FRMD4B: variants seen among roughly 807,000 people sequenced by gnomAD.
The protein encoded by FRMD4B is FERM domain-containing protein 4B.
Under a neutral mutation model 141.5 loss-of-function variants are expected in FRMD4B, and 74 were observed. That is an observed-to-expected ratio of 0.52 (90% confidence interval 0.43 to 0.63). The LOEUF is 0.63. Among genes scored for constraint, FRMD4B ranks in the 30% least tolerant of loss-of-function variants. The probability of loss-of-function intolerance (pLI) is 0.00; values close to 1 mark genes in which losing one functional copy is unlikely to be tolerated. For synonymous variants in FRMD4B, 506 were observed against 467.9 expected (o/e 1.08, Z -1.05); for missense variants, 1,366 against 1,253.4 (o/e 1.09, Z -1.36).
intron 1 of FRMD4B, among the ~76,000 whole-genome samples, chr3:69,332,731 C>A (rs531114106): frequency 6.7e-6 from 1 of 149,928 alleles, no homozygotes; most frequent in African/African-American, 2.5e-5. Context: ...TGTGCACCAC[C>A]ACACCTGGCT....
intron 1 of FRMD4B, among the ~76,000 whole-genome samples, chr3:69,527,938 G>C (rs1448953840): frequency 6.6e-6 from 1 of 152,176 alleles, no homozygotes; most frequent in Non-Finnish European, 1.5e-5. Context: ...AATCCATGGG[G>C]ATCTCCTATT....
chr3:69,470,052 A>G (rs955909743), intron 1 of FRMD4B, among the ~76,000 whole-genome samples: 3 of 152,220 alleles, frequency 2.0e-5, no homozygotes, highest in Non-Finnish European at 4.4e-5. Context: ...AAAACACATT[A>G]GAGACTCCAA....
intron 7 of FRMD4B, among the ~76,000 whole-genome samples, chr3:69,241,621 T>C (rs373460090): frequency 1.3e-5 from 2 of 152,124 alleles, no homozygotes; most frequent in Admixed American, 1.3e-4. Context: ...ACTGGTTGGG[T>C]GCAGTCGCTC....
rs1426568926 is a variant in FRMD4B at position 69,195,052 on chromosome 3, T to C, written c.1458A>G (p.Lys486=). ...QVRRRVGTAF[K]LDDNLLPSEE... is the part of the protein sequence containing the mutation. ...CACTCGGCAGCAAGTTGTCATCTAA[T>C]TTGAACGCAGTACCCACACGTCTTC... is the stretch of plus-strand genomic sequence containing the variant. Residue 486 remains lysine (K), a synonymous_variant, in exon 16 of 23, where the codon AAA becomes AAG. Transcript: ENST00000398540. The C allele has an allele frequency of 9.3e-6, 15 of 1,613,780 alleles. No individual in the cohort carries two copies. The highest frequency in any genetic ancestry group is 4.0e-5 in the African/African-American group (3 of 74,920).
chr3:69,469,622 C>G (rs1341522158), intron 1 of FRMD4B, among the ~76,000 whole-genome samples: 1 of 152,144 alleles, frequency 6.6e-6, no homozygotes. Flanking sequence ...ATATTTTGCT[C>G]ACTGGTCACC....
At chr3:69,485,787 G>A (rs531867343) in intron 1 of FRMD4B, among the ~76,000 whole-genome samples, 7 of 152,316 alleles carry the variant, frequency 4.6e-5, no homozygotes, top group South Asian at 2.1e-4. Flanking sequence ...CTGGTGCGAC[G>A]CAGCCCAGCC....
At chr3:69,271,489 G>A (rs1184045175) in intron 5 of FRMD4B, among the ~76,000 whole-genome samples, 1 of 152,194 alleles carries the variant, frequency 6.6e-6, no homozygotes, top group Non-Finnish European at 1.5e-5. Flanking sequence ...CTGAGGACAT[G>A]GGGTTAAAGA....
intron 10 of FRMD4B, 78 bp from the exon 11 acceptor site, chr3:69,216,427 CTCT>C: frequency 1.3e-5 from 8 of 607,958 alleles, no homozygotes; most frequent in Middle Eastern, 2.7e-4. Context: ...CCAATTTCAC[CTCT>C]TTTTTTTTTT....
intron 1 of FRMD4B, among the ~76,000 whole-genome samples, chr3:69,329,373 A>G (rs956164962): frequency 2.0e-5 from 3 of 152,088 alleles, no homozygotes; most frequent in Non-Finnish European, 4.4e-5. Context: ...GTTTTGAGAC[A>G]GAGTCTCATT....
intron 1 of FRMD4B, among the ~76,000 whole-genome samples, chr3:69,367,864 CT>C (rs1703712881): frequency 6.6e-6 from 1 of 152,172 alleles, no homozygotes; most frequent in African/African-American, 2.4e-5. Context: ...TACATTTTGA[CT>C]GGAAACAACT....
At chr3:69,378,770 A>G (rs1704039188) in intron 1 of FRMD4B, among the ~76,000 whole-genome samples, 1 of 152,062 alleles carries the variant, frequency 6.6e-6, no homozygotes, top group African/African-American at 2.4e-5. Context: ...TTCTCAATCA[A>G]AATCTCTCTG....
intron 11 of FRMD4B, among the ~76,000 whole-genome samples, chr3:69,211,023 G>GAAAAA (rs541259572): frequency 0.092 from 7,848 of 85,702 alleles, 625 homozygotes; most frequent in African/African-American, 0.13. Context: ...ATGCCATCTC[G>GAAAAA]AAAAAAAAAA....
chr3:69,172,599 CA>C (rs999239264), intron 22 of FRMD4B, among the ~76,000 whole-genome samples: 28 of 152,154 alleles, frequency 1.8e-4, no homozygotes, highest in African/African-American at 6.7e-4. Context: ...TCCTCAGGGA[CA>C]AAATAATATA....
chr3:69,532,487 G>T (rs1265064335), intron 1 of FRMD4B, among the ~76,000 whole-genome samples: 1 of 152,216 alleles, frequency 6.6e-6, no homozygotes, highest in African/African-American at 2.4e-5. Flanking sequence ...AAAGGTGGAA[G>T]GATCTCAAGT....
At chr3:69,526,652 A>T (rs1284108455) in intron 1 of FRMD4B, among the ~76,000 whole-genome samples, 2 of 152,182 alleles carry the variant, frequency 1.3e-5, no homozygotes, top group Non-Finnish European at 2.9e-5. Context: ...AAATGAGGCC[A>T]ATTATACCTA....
At chr3:69,431,142 C>G (rs1489979901) in intron 2 of FRMD4B, among the ~76,000 whole-genome samples, 1 of 152,166 alleles carries the variant, frequency 6.6e-6, no homozygotes, top group Non-Finnish European at 1.5e-5. Context: ...GGAGGTGAGG[C>G]TAGAGACAAT....
At chr3:69,250,932 G>GA (rs139019881) in intron 5 of FRMD4B, among the ~76,000 whole-genome samples, 1 of 151,408 alleles carries the variant, frequency 6.6e-6, no homozygotes, top group South Asian at 2.1e-4. Context: ...TACCAAAAAA[G>GA]AAAAAAGCTT....
At chr3:69,428,349 A>G (rs1391382594) in intron 2 of FRMD4B, among the ~76,000 whole-genome samples, 3 of 149,160 alleles carry the variant, frequency 2.0e-5, no homozygotes, top group African/African-American at 7.4e-5. Flanking sequence ...GCTGGGGATT[A>G]AATGAGTTAA....
chr3:69,202,365 G>A (rs981474732), intron 11 of FRMD4B, among the ~76,000 whole-genome samples: 10 of 151,496 alleles, frequency 6.6e-5, no homozygotes, highest in African/African-American at 2.4e-4. Context: ...ACATATATGT[G>A]TGTGTGTGTA....
Sources: gnomAD v4.1 joint callset for allele counts (sites outside exome capture counted in the v4.1 genomes callset) on GRCh38, gnomAD v4.1.1 for gene constraint, MANE v1.5 for transcripts, NCBI Gene and HGNC (gene_info 2026-07-23, HGNC 2026-07-21) for gene names.